The following KIF13A variants were observed in gnomAD, a reference collection of about 807,000 sequenced individuals.
KIF13A encodes the protein kinesin family member 13A.
KIF13A carries 79 observed loss-of-function variants against 212.2 expected under a neutral mutation model. The observed-to-expected ratio is 0.37, with a 90% confidence interval of 0.31 to 0.45. The LOEUF (loss-of-function observed/expected upper bound fraction) is 0.45, where lower values mean the gene tolerates loss of function less well. Ranked by LOEUF, KIF13A falls within the 20% of genes least tolerant of loss-of-function variation. KIF13A has a pLI of 1.00. For missense variants in KIF13A, 1,901 were observed against 2,209.0 expected (o/e 0.86, Z 2.79); for synonymous variants, 789 against 808.6 (o/e 0.98, Z 0.41).
intron 2 of KIF13A, among the ~76,000 whole-genome samples, chr6:17,985,703 C>T (rs1176717588): frequency 6.8e-6 from 1 of 147,474 alleles, no homozygotes; most frequent in East Asian, 2.0e-4. Context: ...ATTTAATGTA[C>T]TCAATGAGTT....
chr6:17,802,882 G>A (rs932592044), intron 20 of KIF13A, among the ~76,000 whole-genome samples: 1 of 151,286 alleles, frequency 6.6e-6, no homozygotes, highest in Non-Finnish European at 1.5e-5. Flanking sequence ...TAGCTGGTGG[G>A]ACTATAGGTG....
Position 17,838,042 on chromosome 6 carries a change from A to G in KIF13A, c.831-459T>C, listed in dbSNP as rs990587845. Among the ~76,000 whole-genome samples, 6 of 150,522 alleles carry G rather than the reference A, an allele frequency of 4.0e-5. No individual in the cohort carries two copies. Among genetic ancestry groups the G allele is most frequent in the African/African-American group, 1.5e-4 (6 of 40,896 alleles). ...GTTTAAAAAGTTAAATGCAGCTGGG[A>G]GTGGTGGCTCACACCTGTAATCCCA... On this transcript the variant is annotated intron_variant, in intron 9 of 38. Transcript: ENST00000259711. This position sits in a 1 kb window ranked among gnomAD's most constrained non-coding sequence, Gnocchi z 4.2.
chr6:17,911,769 T>TC (rs566216254), intron 2 of KIF13A, among the ~76,000 whole-genome samples: 3 of 16,108 alleles, frequency 1.9e-4, no homozygotes, highest in Non-Finnish European at 6.1e-4. Flanking sequence ...TCAATAATAA[T>TC]TTTTTTTTTT....
At chr6:17,844,344 T>C (rs1034359881) in intron 9 of KIF13A, among the ~76,000 whole-genome samples, 2 of 152,138 alleles carry the variant, frequency 1.3e-5, no homozygotes, top group African/African-American at 4.8e-5. Context: ...AACAATAGAG[T>C]ACATACTGAC....
chr6:17,762,298 C>T (rs943993314), downstream of KIF13A, among the ~76,000 whole-genome samples: 10 of 151,648 alleles, frequency 6.6e-5, no homozygotes, highest in East Asian at 1.9e-4. Context: ...CTGCAACCTC[C>T]GCCTCCTGGG....
At position 17,917,235 on chromosome 6, in the gene KIF13A, CTTTTTTTTT is replaced by C. The variant is rs71002284; in HGVS notation, c.147-19064_147-19056del. ...AGCATATTCTACATTTTACACGATT[CTTTTTTTTT>C]TTTTTTTTTTTTTTGAGACAGAGTC... On this transcript the variant is annotated intron_variant, in intron 2 of 38. Coordinates refer to ENST00000259711, the MANE Select transcript of KIF13A (RefSeq NM_022113.6). Among the ~76,000 whole-genome samples the C allele has an allele frequency of 3.8e-5, 3 of 79,098 alleles. No homozygotes were observed. The East Asian group carries it at 1.1e-3, about 28-fold the overall frequency. 51.9% of individuals were successfully genotyped at this position (79,098 alleles called of 152,430 possible). A position where few individuals can be genotyped will look rare whatever the true frequency, so the allele number is the denominator to read the frequency against.
chr6:17,818,689 T>A (rs922459373), intron 16 of KIF13A, among the ~76,000 whole-genome samples: 22 of 152,122 alleles, frequency 1.4e-4, no homozygotes, highest in African/African-American at 3.4e-4. Context: ...ATCCCGATTT[T>A]AAAAATGAGG....
chr6:17,962,710 T>C (rs1020598259), intron 2 of KIF13A, among the ~76,000 whole-genome samples: 3 of 152,190 alleles, frequency 2.0e-5, no homozygotes, highest in African/African-American at 4.8e-5. Flanking sequence ...ATATCTACTC[T>C]GGCCAGACAA....
chr6:17,857,505 G>C (rs1416658547), intron 4 of KIF13A, among the ~76,000 whole-genome samples: 1 of 151,998 alleles, frequency 6.6e-6, no homozygotes, highest in African/African-American at 2.4e-5. Flanking sequence ...TAAGTTTCCC[G>C]AGGCCTCCCC....
chr6:17,959,696 G>A (rs954652668), intron 2 of KIF13A, among the ~76,000 whole-genome samples: 2 of 152,150 alleles, frequency 1.3e-5, no homozygotes, highest in Non-Finnish European at 2.9e-5. Context: ...GAAAGTCAGG[G>A]ACATCTAATG....
rs1022815554 is a variant in KIF13A at position 17,786,860 on chromosome 6, G to A, written c.3361+916C>T. On this transcript the variant is annotated intron_variant, in intron 27 of 38. Transcript: ENST00000259711. This position sits in a 1 kb window ranked among gnomAD's most constrained non-coding sequence, Gnocchi z 5.4. ...CTTTCTGCTAGCTTCTACATGAAAT[G>A]GATTAACATGCATGATGTGTATGTT... 9.2e-5 allele frequency among the ~76,000 whole-genome samples: 14 copies of A among 152,154 alleles called. No individual in the cohort carries two copies. Among genetic ancestry groups the A allele is most frequent in the African/African-American group, 3.1e-4 (13 of 41,444 alleles).
In KIF13A at chr6:17,776,821, A is replaced by T. The variant is rs1760025301; in HGVS notation, c.4170+456T>A. ...TTTCTAGATTAACTGGTTGAGAAAAATAACGAAAATGGTCAAAGGAACAAC... is the reference window on the plus strand; with the variant it reads ...TTTCTAGATTAACTGGTTGAGAAAATTAACGAAAATGGTCAAAGGAACAAC... On this transcript the variant is annotated intron_variant, in intron 34 of 38. Coordinates refer to ENST00000259711, the MANE Select transcript of KIF13A (RefSeq NM_022113.6). This position sits in a 1 kb window ranked among gnomAD's most constrained non-coding sequence, Gnocchi z 4.6. Among the ~76,000 whole-genome samples the T allele has an allele frequency of 1.3e-5, 2 of 152,140 alleles. No homozygotes were observed. The highest frequency in any genetic ancestry group is 4.1e-4 in the South Asian group (2 of 4,828).
In KIF13A at chr6:17,771,873, C is replaced by G; in HGVS notation, c.4476+35G>C. ...GCTTCACAGGTGACACAACTCTGCT[C>G]TATTCTGCATAGTACAGACAAGTCA... On this transcript the variant is annotated intron_variant, in intron 37 of 38. Coordinates refer to ENST00000259711, the MANE Select transcript of KIF13A (RefSeq NM_022113.6). This position sits in a 1 kb window ranked among gnomAD's most constrained non-coding sequence, Gnocchi z 5.4. 6.2e-7 allele frequency: 1 copy of G among 1,607,726 alleles called. No homozygotes were observed. The highest frequency in any genetic ancestry group is 8.5e-7 in the Non-Finnish European group (1 of 1,175,524).
chr6:17,766,305 T>C (rs961284058), intron 38 of KIF13A, among the ~76,000 whole-genome samples: 1 of 151,458 alleles, frequency 6.6e-6, no homozygotes, highest in South Asian at 2.1e-4. Context: ...AATGGTGTGA[T>C]CTCGGCTCAC....
intron 2 of KIF13A, among the ~76,000 whole-genome samples, chr6:17,964,561 T>G (rs530803376): frequency 1.3e-5 from 2 of 152,300 alleles, no homozygotes; most frequent in Non-Finnish European, 2.9e-5. Flanking sequence ...ATCTACTTTA[T>G]AAAAACAGTA....
chr6:17,873,474 A>ATATT, intron 3 of KIF13A, 37 bp from the exon 4 acceptor site: 1 of 1,388,162 alleles, frequency 7.2e-7, no homozygotes, highest in Non-Finnish European at 1.0e-6. Context: ...TTAAAGATTA[A>ATATT]TTAACTTCTT....
chr6:17,812,029 T>C (rs1324149089), intron 17 of KIF13A: 1 of 152,218 alleles, frequency 6.6e-6, no homozygotes, highest in Admixed American at 6.5e-5. Flanking sequence ...ACCCGACTTC[T>C]ACACTTTTCC....
intron 2 of KIF13A, among the ~76,000 whole-genome samples, chr6:17,949,248 A>G (rs894346114): frequency 2.6e-5 from 4 of 152,246 alleles, no homozygotes; most frequent in Non-Finnish European, 4.4e-5. Flanking sequence ...AAAAGTCGCC[A>G]GAGTGTACCA....
rs1771300995 is a variant in KIF13A at position 17,883,839 on chromosome 6, C to T, written c.160-10402G>A. 1.3e-5 allele frequency among the ~76,000 whole-genome samples: 2 copies of T among 151,920 alleles called. No individual in the cohort carries two copies. The highest frequency in any genetic ancestry group is 2.9e-5 in the Non-Finnish European group (2 of 67,996). ...GGCTGAGGTGGGAGGATCACTTGAG[C>T]CTGGGAGTTTGAGGCTGCAATGAGC... On this transcript the variant is annotated intron_variant, in intron 3 of 38. Coordinates refer to ENST00000259711, the MANE Select transcript of KIF13A (RefSeq NM_022113.6). This position sits in a 1 kb window ranked among gnomAD's most constrained non-coding sequence, Gnocchi z 4.8.
Sources: gnomAD v4.1 joint callset for allele counts (sites outside exome capture counted in the v4.1 genomes callset) on GRCh38, gnomAD v4.1.1 for gene constraint, Gnocchi (gnomAD v3.1) non-coding constraint, MANE v1.5 for transcripts, NCBI Gene and HGNC (gene_info 2026-07-23, HGNC 2026-07-21) for gene names.